CCDC144A: variants seen among roughly 807,000 people sequenced by gnomAD.
The protein encoded by CCDC144A is coiled-coil domain containing 144A.
In CCDC144A, 41 loss-of-function variants were observed where a neutral mutation model predicts 143.8. That is an observed-to-expected ratio of 0.29 (90% CI 0.22 to 0.37). CCDC144A has a LOEUF of 0.37. Ranked by LOEUF, CCDC144A falls within the 10% of genes least tolerant of loss-of-function variation. The probability of loss-of-function intolerance (pLI) is 1.00; values close to 1 mark genes in which losing one functional copy is unlikely to be tolerated. For missense variants in CCDC144A, 637 were observed against 1,488.8 expected (o/e 0.43, Z 9.41); for synonymous variants, 242 against 517.9 (o/e 0.47, Z 7.23).
intron 8 of CCDC144A, among the ~76,000 whole-genome samples, chr17:16,725,144 A>C (rs1913344723): frequency 2.0e-5 from 3 of 149,270 alleles, no homozygotes; most frequent in Non-Finnish European, 4.4e-5. Flanking sequence ...ATGTTTTTAC[A>C]TTTAAAGTGC....
intron 8 of CCDC144A, among the ~76,000 whole-genome samples, chr17:16,724,902 C>T (rs1260122766): frequency 4.3e-5 from 6 of 140,080 alleles, no homozygotes; most frequent in Admixed American, 7.5e-5. Context: ...CCACCTGCCT[C>T]GGCCTCCCAA....
chr17:16,767,223 A>C (rs1915638513), intron 15 of CCDC144A: 1 of 148,802 alleles, frequency 6.7e-6, no homozygotes, highest in East Asian at 2.0e-4. Flanking sequence ...TGAACCCAGG[A>C]GGCAGAGGTT....
intron 2 of CCDC144A, among the ~76,000 whole-genome samples, chr17:16,694,907 A>C (rs1911308899): frequency 6.6e-6 from 1 of 152,276 alleles, no homozygotes; most frequent in African/African-American, 2.4e-5. Flanking sequence ...TAAATATTCA[A>C]ATAGCCCAAC....
intron 16 of CCDC144A, 135 bp from the exon 17 acceptor site, chr17:16,773,362 T>C: frequency 8.3e-7 from 1 of 1,198,042 alleles, no homozygotes. Flanking sequence ...GCAGGAGAAT[T>C]GCTTAAGCCT....
chr17:16,732,995 A>G (rs561940677), intron 11 of CCDC144A, among the ~76,000 whole-genome samples: 103 of 151,810 alleles, frequency 6.8e-4, no homozygotes, highest in Non-Finnish European at 1.4e-3. Flanking sequence ...CAGACGTTCT[A>G]GTTTTCAGAC....
rs1911967312 is a variant in CCDC144A, at chr17:16,705,051, A to G, written c.416-100A>G. 6 of 1,054,742 alleles carry G rather than the reference A, an allele frequency of 5.7e-6. No homozygotes were observed. The Admixed American group carries it at 9.8e-5, about 17-fold the overall frequency. The allele number at this position is 1,054,742 out of a possible 1,614,324, so 65.3% of individuals were successfully genotyped here. A position where few individuals can be genotyped will look rare whatever the true frequency, so the allele number is the denominator to read the frequency against. On this transcript the variant is annotated intron_variant, in intron 2 of 16. Coordinates refer to ENST00000399273, the MANE Select transcript of CCDC144A (RefSeq NM_001382000.1). Reference sequence around the variant, plus strand: ...ATAGTGTGTTGTGGGAGAGAGCAGGATGTAGGACTGTTTCTGTGAAGAAAG... The same window carrying G: ...ATAGTGTGTTGTGGGAGAGAGCAGGGTGTAGGACTGTTTCTGTGAAGAAAG...
upstream of CCDC144A, among the ~76,000 whole-genome samples, chr17:16,685,065 G>A (rs1318361580): frequency 6.6e-6 from 1 of 152,188 alleles, no homozygotes; most frequent in Non-Finnish European, 1.5e-5. Context: ...TTTGAGACAG[G>A]TCTTACTCTG....
At chr17:16,682,400 C>A in the CCDC144A span, among the ~76,000 whole-genome samples, 1 of 151,944 alleles carries the variant, frequency 6.6e-6, no homozygotes, top group Non-Finnish European at 1.5e-5. Flanking sequence ...TCCATGTGGA[C>A]CTTCATTTTG....
chr17:16,672,401 C>T, the CCDC144A span, among the ~76,000 whole-genome samples: 2 of 151,750 alleles, frequency 1.3e-5, no homozygotes, highest in African/African-American at 2.4e-5. Context: ...GCCAAGATCA[C>T]GCCATTGCAC....
the CCDC144A span, among the ~76,000 whole-genome samples, chr17:16,681,424 C>T: frequency 1.3e-5 from 2 of 152,064 alleles, no homozygotes; most frequent in Admixed American, 6.6e-5. Context: ...TATTTGAAAA[C>T]ATTTATTGAT....
chr17:16,694,344 G>A (rs1050857172), intron 2 of CCDC144A, among the ~76,000 whole-genome samples: 2 of 152,230 alleles, frequency 1.3e-5, no homozygotes, highest in African/African-American at 4.8e-5. Flanking sequence ...AAGTTGGGAG[G>A]CCTAGGTGGG....
chr17:16,755,809 C>T (rs1201742368), intron 12 of CCDC144A, among the ~76,000 whole-genome samples: 2 of 152,228 alleles, frequency 1.3e-5, no homozygotes, highest in Non-Finnish European at 2.9e-5. Flanking sequence ...AATCCCCCCA[C>T]CTTGGCCTCT....
At chr17:16,673,665 C>T in the CCDC144A span, among the ~76,000 whole-genome samples, 574 of 152,148 alleles carry the variant, frequency 3.8e-3, 6 homozygotes, top group African/African-American at 0.013. Context: ...GGATTACAGG[C>T]GTGAGCCACC....
At chr17:16,753,436 T>G (rs1197953532) in intron 12 of CCDC144A, among the ~76,000 whole-genome samples, 6 of 135,558 alleles carry the variant, frequency 4.4e-5, no homozygotes, top group African/African-American at 6.8e-5. Flanking sequence ...TAGTTTTTTT[T>G]TTTTTTTTTT....
intron 6 of CCDC144A, among the ~76,000 whole-genome samples, chr17:16,714,903 A>G (rs1027039833): frequency 5.3e-5 from 8 of 152,034 alleles, no homozygotes; most frequent in Non-Finnish European, 1.2e-4. Context: ...TATCTATCAC[A>G]GTTGCTTAAA....
chr17:16,755,194 A>T (rs1478671504), intron 12 of CCDC144A, among the ~76,000 whole-genome samples: 2 of 152,082 alleles, frequency 1.3e-5, no homozygotes, highest in Non-Finnish European at 2.9e-5. Flanking sequence ...CATTCTATCT[A>T]TATCTTTAAT....
At chr17:16,697,763 C>T (rs1368795508) in intron 2 of CCDC144A, among the ~76,000 whole-genome samples, 1 of 151,802 alleles carries the variant, frequency 6.6e-6, no homozygotes, top group Admixed American at 6.6e-5. Flanking sequence ...GAAATATAAA[C>T]ATAAAATAAA....
Position 16,703,912 on chromosome 17 carries a change from A to C in CCDC144A, c.416-1239A>C, listed in dbSNP as rs570435019. Among the ~76,000 whole-genome samples, 557 of 152,312 alleles carry C rather than the reference A, an allele frequency of 3.7e-3. 12 individuals carry two copies. The highest frequency in any genetic ancestry group is 0.033 in the Admixed American group (504 of 15,300). On this transcript the variant is annotated intron_variant, in intron 2 of 16. Coordinates refer to ENST00000399273, the MANE Select transcript of CCDC144A (RefSeq NM_001382000.1). The stretch of plus-strand genomic sequence containing the variant: ...TAGAGCTATGATGTTATGACACACC[A>C]TGTCTATGAAAAGCTCCACTGTACA...
At chr17:16,715,949 A>G (rs912545277) in intron 6 of CCDC144A, among the ~76,000 whole-genome samples, 16 of 152,360 alleles carry the variant, frequency 1.1e-4, no homozygotes, top group African/African-American at 3.8e-4. Context: ...AGAGAGGCCA[A>G]TGGTCACTGA....
Sources: gnomAD v4.1 joint callset for allele counts (sites outside exome capture counted in the v4.1 genomes callset) on GRCh38, gnomAD v4.1.1 for gene constraint, MANE v1.5 for transcripts, NCBI Gene and HGNC (gene_info 2026-07-23, HGNC 2026-07-21) for gene names.